Variants in KDF1 observed in about 807,000 individuals in gnomAD.
The protein encoded by KDF1 is keratinocyte differentiation factor 1.
In KDF1, 11 loss-of-function variants were observed where a neutral mutation model predicts 31.6. The observed-to-expected ratio is 0.35, with a 90% confidence interval of 0.22 to 0.58. KDF1 has a LOEUF of 0.58. Ranked by LOEUF, KDF1 falls within the 20% of genes least tolerant of loss-of-function variation. The pLI is 0.83. For missense variants in KDF1, 476 were observed against 549.1 expected (o/e 0.87, Z 1.33); for synonymous variants, 205 against 214.4 (o/e 0.96, Z 0.38).
At chr1:26,956,999 T>C (rs2082379864) in intron 1 of KDF1, among the ~76,000 whole-genome samples, 1 of 152,178 alleles carries the variant, frequency 6.6e-6, no homozygotes, top group Admixed American at 6.5e-5. Flanking sequence ...CAACCCTAGC[T>C]CAATGAAGCC....
In KDF1 at chr1:26,952,339, T is replaced by C. The variant is rs1570755780; in HGVS notation, c.42A>G (p.Pro14=). The C allele has an allele frequency of 6.6e-7, 1 of 1,521,002 alleles. No homozygotes were observed. The highest frequency in any genetic ancestry group is 1.8e-4 in the Middle Eastern group (1 of 5,590). The allele number at this position is 1,521,002 out of a possible 1,614,324, so 94.2% of individuals were successfully genotyped here. The part of the protein sequence containing the change: ...PGHPRPASGP[P]RLGPWERPTE... ...TTGGCCGCTCCCACGGTCCCAAGCGTGGAGGCCCAGATGCTGGGCGGGGGT... is the reference window on the plus strand; with the variant it reads ...TTGGCCGCTCCCACGGTCCCAAGCGCGGAGGCCCAGATGCTGGGCGGGGGT... Residue 14 remains proline (P), a synonymous_variant, in exon 2 of 4, where the codon CCA becomes CCG. Transcript: ENST00000320567. The surrounding 1 kb of genome is among the most constrained non-coding windows in gnomAD (Gnocchi z 4.1).
chr1:26,954,084 T>TA (rs1367390807), intron 1 of KDF1, among the ~76,000 whole-genome samples: 2 of 151,804 alleles, frequency 1.3e-5, no homozygotes, highest in African/African-American at 4.8e-5. Context: ...ACTGGGGAGT[T>TA]AGTGTTGAAT....
chr1:26,949,943 G>A lies in KDF1; in HGVS notation c.*126C>T. The A allele has an allele frequency of 2.2e-6, 2 of 906,412 alleles. No homozygotes were observed. The highest frequency in any genetic ancestry group is 3.4e-6 in the Non-Finnish European group (2 of 588,356). The allele number at this position is 906,412 out of a possible 1,614,324, so 56.1% of individuals were successfully genotyped here. ...TGGTCCAGGAACCCAGTCAGCCAAG[G>A]CAGGAGGAGCCAGAGTGGGCACTGC... On this transcript the variant is annotated 3_prime_UTR_variant, in exon 4 of 4. Transcript: ENST00000320567.
rs1250977021 is a variant in KDF1 at position 26,950,831 on chromosome 1, C to T, written c.1040-75G>A. 2 of 1,355,584 alleles carry T rather than the reference C, an allele frequency of 1.5e-6. No individual in the cohort carries two copies. Among genetic ancestry groups the T allele is most frequent in the Non-Finnish European group, 2.1e-6 (2 of 948,788 alleles). The allele number at this position is 1,355,584 out of a possible 1,614,324, so 84.0% of individuals were successfully genotyped here. A position where few individuals can be genotyped will look rare whatever the true frequency, so the allele number is the denominator to read the frequency against. ...CCCTATTTCCTACTTCTGTTCCCAG[C>T]CCGATGAGGGAGGAGCCACTCACTC... is the stretch of plus-strand genomic sequence containing the variant. On this transcript the variant is annotated intron_variant, in intron 2 of 3. Coordinates refer to ENST00000320567, the MANE Select transcript of KDF1 (RefSeq NM_152365.3). This position sits in a 1 kb window ranked among gnomAD's most constrained non-coding sequence, Gnocchi z 4.0.
chr1:26,952,127 C>A lies in KDF1; in HGVS notation c.254G>T (p.Trp85Leu). 6 of 1,613,522 alleles carry A rather than the reference C, an allele frequency of 3.7e-6. No homozygotes were observed. Among genetic ancestry groups the A allele is most frequent in the Non-Finnish European group, 5.1e-6 (6 of 1,179,918 alleles). The change falls in exon 2 of 4, where the codon TGG becomes TTG. Residue 85 changes from tryptophan to leucine, a missense_variant. Coordinates refer to ENST00000320567, the MANE Select transcript of KDF1 (RefSeq NM_152365.3). The surrounding 1 kb of genome is among the most constrained non-coding windows in gnomAD (Gnocchi z 4.1). Reference protein sequence around the residue: ...CLLWRPWVWEWCRAAFCFRRC... With the variant: ...CLLWRPWVWELCRAAFCFRRC... ...GCGGAAGCAGAAGGCAGCCCGGCAC[C>A]ACTCCCACACCCAGGGTCGCCAGAG... is the stretch of plus-strand genomic sequence containing the variant.
In KDF1 at chr1:26,950,550, G is replaced by A; in HGVS notation, c.1114+132C>T. On this transcript the variant is annotated intron_variant, in intron 3 of 3. Transcript: ENST00000320567. This position sits in a 1 kb window ranked among gnomAD's most constrained non-coding sequence, Gnocchi z 4.0. ...CAGCTTGCTAGATGGAGACAGGTCT[G>A]TGGCTGCTTAGGTCCCCGTCCCTTT... 1.3e-6 allele frequency: 1 copy of A among 766,718 alleles called. No homozygotes were observed. Among genetic ancestry groups the A allele is most frequent in the Non-Finnish European group, 2.2e-6 (1 of 446,776 alleles). 47.5% of individuals were successfully genotyped at this position (766,718 alleles called of 1,614,324 possible).
In KDF1 at chr1:26,950,080, C is replaced by T. The variant is rs769933905; in HGVS notation, c.1186G>A (p.Val396Met). 1 of 1,613,768 alleles carries T rather than the reference C, an allele frequency of 6.2e-7. No homozygotes were observed. ...TDSSGAPLLQ[V>M]YC ...GGGCCTGGCAGGGGTTAGCAGTACACCTGGAGCAAGGGTGCCCCCGACGAG... is the reference window on the plus strand; with the variant it reads ...GGGCCTGGCAGGGGTTAGCAGTACATCTGGAGCAAGGGTGCCCCCGACGAG... The change falls in exon 4 of 4, where the codon GTG (valine) becomes ATG (methionine). Residue 396 changes from valine (V) to methionine (M), a missense_variant. Val to Met is a conservative substitution (Grantham distance 21). Around this residue, in one of 2 missense-constraint regions of KDF1, gnomAD observed 146 missense variants for 216.8 expected, o/e 0.67. Transcript: ENST00000320567. This position sits in a 1 kb window ranked among gnomAD's most constrained non-coding sequence, Gnocchi z 4.0.
In KDF1 at chr1:26,951,368, A is replaced by G. The variant is rs767189794; in HGVS notation, c.1013T>C (p.Met338Thr). Residue 338 changes from methionine to threonine, a missense_variant, in exon 2 of 4, where the codon ATG becomes ACG. This residue lies in a region of KDF1 where 146 missense variants were observed against 216.8 expected (regional missense o/e 0.67). Coordinates refer to ENST00000320567, the MANE Select transcript of KDF1 (RefSeq NM_152365.3). The surrounding 1 kb of genome is among the most constrained non-coding windows in gnomAD (Gnocchi z 5.4). ...ATCCTGGCTGAGACCTGAGCCCACC[A>G]TGGTCTCATGGCCACTGTCAGGGGC... ...AAAPDSGHET[M>T]VGSGLSQDEL... is the part of the protein sequence containing the mutation. The G allele has an allele frequency of 5.0e-6, 8 of 1,592,050 alleles. No individual in the cohort carries two copies. Among genetic ancestry groups the G allele is most frequent in the South Asian group, 1.1e-5 (1 of 89,024 alleles).
In KDF1 at chr1:26,949,994, G is replaced by C. The variant is rs897402661; in HGVS notation, c.*75C>G. 1 of 1,472,982 alleles carries C rather than the reference G, an allele frequency of 6.8e-7. No individual in the cohort carries two copies. The highest frequency in any genetic ancestry group is 1.4e-5 in the African/African-American group (1 of 71,924). The allele number at this position is 1,472,982 out of a possible 1,614,324, so 91.2% of individuals were successfully genotyped here. A position where few individuals can be genotyped will look rare whatever the true frequency, so the allele number is the denominator to read the frequency against. On this transcript the variant is annotated 3_prime_UTR_variant, in exon 4 of 4. Transcript: ENST00000320567. ...TTCAGGTCTAAGCCTCTCCCACAGGGGTTCCTGGTCCCCCTCTTCATTCTG... is the reference window on the plus strand; with the variant it reads ...TTCAGGTCTAAGCCTCTCCCACAGGCGTTCCTGGTCCCCCTCTTCATTCTG...
In KDF1 at chr1:26,949,891, A is replaced by G; in HGVS notation, c.*178T>C. On this transcript the variant is annotated 3_prime_UTR_variant, in exon 4 of 4. Coordinates refer to ENST00000320567, the MANE Select transcript of KDF1 (RefSeq NM_152365.3). ...ACCAGCTGGGGATGCAAGGAGATGT[A>G]GATCCCATGGCCCAGTGAAATGCAC... 1.7e-6 allele frequency: 1 copy of G among 585,314 alleles called. No homozygotes were observed. Among genetic ancestry groups the G allele is most frequent in the South Asian group, 2.0e-5 (1 of 51,104 alleles). The allele number at this position is 585,314 out of a possible 1,614,324, so 36.3% of individuals were successfully genotyped here.
chr1:26,953,129 T>A (rs1466470019), intron 1 of KDF1, among the ~76,000 whole-genome samples: 1 of 152,262 alleles, frequency 6.6e-6, no homozygotes. Flanking sequence ...AAATCTGAAA[T>A]GCTCCAATGA....
At position 26,952,019 on chromosome 1, in the gene KDF1, CCCTCAGTGGAGT is replaced by C. The variant is rs1485665382; in HGVS notation, c.350_361del (p.Asp117_Glu120del). The C allele has an allele frequency of 3.1e-6, 5 of 1,613,034 alleles. No homozygotes were observed. The highest frequency in any genetic ancestry group is 3.4e-6 in the Non-Finnish European group (4 of 1,179,584). ...CTTGGCCCAGTTGGCTTCAGCAGTC[CCCTCAGTGGAGT>C]CCTCAGTAGACAGGCAGGGGCTGCA... On this transcript the variant is annotated inframe_deletion, in exon 2 of 4. Transcript: ENST00000320567. This position sits in a 1 kb window ranked among gnomAD's most constrained non-coding sequence, Gnocchi z 4.1.
chr1:26,956,647 T>A (rs2082378408), intron 1 of KDF1, among the ~76,000 whole-genome samples: 1 of 152,068 alleles, frequency 6.6e-6, no homozygotes. Flanking sequence ...GAGGAAAAAA[T>A]TGGAAATTGG....
chr1:26,952,122 G>C lies in KDF1; in HGVS notation c.259C>G (p.Arg87Gly). 2 of 1,613,442 alleles carry C rather than the reference G, an allele frequency of 1.2e-6. No homozygotes were observed. The highest frequency in any genetic ancestry group is 1.7e-6 in the Non-Finnish European group (2 of 1,179,920). ...CAGCGGCGGAAGCAGAAGGCAGCCCGGCACCACTCCCACACCCAGGGTCGC... is the reference window on the plus strand; with the variant it reads ...CAGCGGCGGAAGCAGAAGGCAGCCCCGCACCACTCCCACACCCAGGGTCGC... ...LWRPWVWEWCRAAFCFRRCRD... is the reference protein window; with the variant it reads ...LWRPWVWEWCGAAFCFRRCRD... Residue 87 changes from arginine to glycine, a missense_variant, in exon 2 of 4, where the codon CGG (arginine) becomes GGG (glycine). Physicochemically the swap from Arg to Gly is moderately radical, Grantham distance 125 (BLOSUM62 -2). Coordinates refer to ENST00000320567, the MANE Select transcript of KDF1 (RefSeq NM_152365.3). This position sits in a 1 kb window ranked among gnomAD's most constrained non-coding sequence, Gnocchi z 4.1.
chr1:26,950,065 G>A lies in KDF1; in HGVS notation c.*4C>T. 1 of 1,613,032 alleles carries A rather than the reference G, an allele frequency of 6.2e-7. No individual in the cohort carries two copies. The highest frequency in any genetic ancestry group is 1.3e-5 in the African/African-American group (1 of 75,012). Reference sequence around the variant, plus strand: ...AAGGGTGTGGCAGCTGGGCCTGGCAGGGGTTAGCAGTACACCTGGAGCAAG... The same window carrying A: ...AAGGGTGTGGCAGCTGGGCCTGGCAAGGGTTAGCAGTACACCTGGAGCAAG... On this transcript the variant is annotated 3_prime_UTR_variant, in exon 4 of 4. Coordinates refer to ENST00000320567, the MANE Select transcript of KDF1 (RefSeq NM_152365.3). The surrounding 1 kb of genome is among the most constrained non-coding windows in gnomAD (Gnocchi z 4.0).
rs904194013 is a variant in KDF1, at chr1:26,950,834, G to A, written c.1040-78C>T. The A allele has an allele frequency of 8.4e-5, 109 of 1,293,110 alleles. No individual in the cohort carries two copies. In the East Asian group the frequency reaches 2.4e-3, roughly 28 times the overall value. The allele number at this position is 1,293,110 out of a possible 1,614,324, so 80.1% of individuals were successfully genotyped here. A position where few individuals can be genotyped will look rare whatever the true frequency, so the allele number is the denominator to read the frequency against. The stretch of plus-strand genomic sequence containing the variant: ...TATTTCCTACTTCTGTTCCCAGCCC[G>A]ATGAGGGAGGAGCCACTCACTCCTG... On this transcript the variant is annotated intron_variant, in intron 2 of 3. Transcript: ENST00000320567. This position sits in a 1 kb window ranked among gnomAD's most constrained non-coding sequence, Gnocchi z 4.0.
chr1:26,954,770 T>C (rs1437131626), intron 1 of KDF1, among the ~76,000 whole-genome samples: 1 of 147,442 alleles, frequency 6.8e-6, no homozygotes, highest in Non-Finnish European at 1.5e-5. Context: ...GAGGCAGAAG[T>C]TGAAGTGAGC....
At position 26,953,824 on chromosome 1, in the gene KDF1, G is replaced by A. The variant is rs920871229; in HGVS notation, c.-32-1412C>T. Among the ~76,000 whole-genome samples, 5 of 152,150 alleles carry A rather than the reference G, an allele frequency of 3.3e-5. No individual in the cohort carries two copies. In the East Asian group the frequency reaches 9.7e-4, roughly 29 times the overall value. ...ACAAAAATTAGCTGGGCGTGGTGGT[G>A]CACACCTGTAGTCCTAGTTACCTGG... On this transcript the variant is annotated intron_variant, in intron 1 of 3. Transcript: ENST00000320567.
Position 26,951,830 on chromosome 1 carries a change from G to A in KDF1, c.551C>T (p.Ala184Val), listed in dbSNP as rs199575697. The change falls in exon 2 of 4, where the codon GCG (alanine) becomes GTG (valine). Residue 184 changes from alanine (A) to valine (V), a missense_variant. Coordinates refer to ENST00000320567, the MANE Select transcript of KDF1 (RefSeq NM_152365.3). This position sits in a 1 kb window ranked among gnomAD's most constrained non-coding sequence, Gnocchi z 5.4. ...CAGTGGCTCCTTGCAGCAGGAGTCC[G>A]CATCAGGGGCTGGGGAGGTGGCCCT... ...YPRATSPAPD[A>V]DSCCKEPLAD... 1.1e-5 allele frequency: 18 copies of A among 1,614,058 alleles called. No homozygotes were observed. Among genetic ancestry groups the A allele is most frequent in the South Asian group, 4.4e-5 (4 of 91,084 alleles).
Sources: allele counts gnomAD v4.1 joint callset (sites outside exome capture counted in the v4.1 genomes callset), GRCh38; gene constraint gnomAD v4.1.1; regional missense constraint gnomAD v4.1.1; non-coding constraint Gnocchi (gnomAD v3.1); transcripts MANE v1.5; gene names NCBI Gene and HGNC (gene_info 2026-07-23, HGNC 2026-07-21).